Variants in EPHX1 observed in about 807,000 individuals in gnomAD.
EPHX1 encodes the protein epoxide hydrolase 1.
A neutral mutation model predicts 43.2 loss-of-function variants in EPHX1; 40 were observed. The ratio of observed to expected loss-of-function variants is 0.93; its 90% confidence interval spans 0.72 to 1.21. The LOEUF (loss-of-function observed/expected upper bound fraction) is 1.21, where lower values mean the gene tolerates loss of function less well. EPHX1 is among the 50% of genes most tolerant of loss of function. The probability of loss-of-function intolerance (pLI) is 0.00; values close to 1 mark genes in which losing one functional copy is unlikely to be tolerated. For synonymous variants in EPHX1, 221 were observed against 226.7 expected (o/e 0.98, Z 0.22); for missense variants, 550 against 570.4 (o/e 0.96, Z 0.36).
intron 1 of EPHX1, among the ~76,000 whole-genome samples, chr1:225,821,782 C>T (rs1475842920): frequency 1.3e-5 from 2 of 151,488 alleles, no homozygotes; most frequent in African/African-American, 4.9e-5. Flanking sequence ...AGGCTGGTCT[C>T]AAACTCCTGG....
chr1:225,831,857 A>G lies in EPHX1; in HGVS notation c.262A>G (p.Asn88Asp). 6.2e-7 allele frequency: 1 copy of G among 1,614,170 alleles called. No homozygotes were observed. The highest frequency in any genetic ancestry group is 8.5e-7 in the Non-Finnish European group (1 of 1,180,012). The change falls in exon 3 of 9, where the codon AAC (asparagine) becomes GAC (aspartate). Residue 88 changes from asparagine (N) to aspartate (D), a missense_variant. Transcript: ENST00000272167. The part of the protein sequence containing the change: ...DSCFHYGFNS[N>D]YLKKVISYWR... ...CTGCTTCCACTATGGCTTCAACTCC[A>G]ACTACCTGAAGAAAGTCATCTCCTA...
At chr1:225,837,406 C>T (rs1668023995) in intron 3 of EPHX1, among the ~76,000 whole-genome samples, 1 of 152,206 alleles carries the variant, frequency 6.6e-6, no homozygotes. Flanking sequence ...GGGCTGCCTT[C>T]TTTTGATATG....
At chr1:225,840,080 G>A in intron 6 of EPHX1, 43 bp downstream of exon 6, 1 of 1,604,554 alleles carries the variant, frequency 6.2e-7, no homozygotes, top group Non-Finnish European at 8.5e-7. Context: ...GGCTCCACTG[G>A]GGCAGGGAGA....
At chr1:225,823,649 G>T (rs1667085782) in intron 1 of EPHX1, among the ~76,000 whole-genome samples, 1 of 152,238 alleles carries the variant, frequency 6.6e-6, no homozygotes, top group Admixed American at 6.5e-5. Context: ...CCTCTTGAGT[G>T]CTGGGTGGCC....
At chr1:225,823,625 C>G (rs1350618559) in intron 1 of EPHX1, among the ~76,000 whole-genome samples, 1 of 152,224 alleles carries the variant, frequency 6.6e-6, no homozygotes, top group African/African-American at 2.4e-5. Flanking sequence ...AGGGGTGATG[C>G]AGCCCTGCTC....
rs368539734 is a variant in EPHX1 at position 225,839,286 on chromosome 1, A to C, written c.662A>C (p.Tyr221Ser). Reference protein sequence around the residue: ...LMLRLGFQEFYIQGGDWGSLI... With the variant: ...LMLRLGFQEFSIQGGDWGSLI... ...CTGCGGCTGGGCTTCCAGGAATTCT[A>C]CATTCAAGGAGGGGACTGGGGGTCC... Residue 221 changes from tyrosine (Y) to serine (S), a missense_variant, in exon 5 of 9, where the codon TAC (tyrosine) becomes TCC (serine). Transcript: ENST00000272167. 6.2e-6 allele frequency: 10 copies of C among 1,613,900 alleles called. No individual in the cohort carries two copies. The highest frequency in any genetic ancestry group is 8.5e-6 in the Non-Finnish European group (10 of 1,180,002).
intron 7 of EPHX1, among the ~76,000 whole-genome samples, 190 bp downstream of exon 7, chr1:225,842,664 C>G (rs45600835): frequency 6.1e-4 from 93 of 152,350 alleles, no homozygotes; most frequent in African/African-American, 2.2e-3. Context: ...GTGGGTTGTT[C>G]CCAGCCTCAC....
intron 3 of EPHX1, among the ~76,000 whole-genome samples, chr1:225,832,496 C>A (rs1240765668): frequency 6.6e-6 from 1 of 152,270 alleles, no homozygotes; most frequent in African/African-American, 2.4e-5. Flanking sequence ...GATCGCGCCA[C>A]TGCACTCCAG....
chr1:225,826,281 T>C (rs1360738144), intron 1 of EPHX1, among the ~76,000 whole-genome samples: 2 of 151,908 alleles, frequency 1.3e-5, no homozygotes, highest in African/African-American at 2.4e-5. Flanking sequence ...CTGGCCAACA[T>C]GGTGAAACGC....
Position 225,844,976 on chromosome 1 carries a change from A to G in EPHX1, c.1167-170A>G, listed in dbSNP as rs4149228. 0.051 allele frequency among the ~76,000 whole-genome samples: 7,751 copies of G among 152,174 alleles called. 259 individuals carry two copies. Among genetic ancestry groups the G allele is most frequent in the East Asian group, 0.15 (765 of 5,144 alleles). ...CTGGGTGGCCCTCCCAGAAAAGAGAAGGCCCTCAGTGAGGGGAGAGCGGTT... is the reference window on the plus strand; with the variant it reads ...CTGGGTGGCCCTCCCAGAAAAGAGAGGGCCCTCAGTGAGGGGAGAGCGGTT... On this transcript the variant is annotated intron_variant, in intron 8 of 8. Transcript: ENST00000272167.
intron 5 of EPHX1, 52 bp from the exon 6 acceptor site, chr1:225,839,777 C>T (rs1668239290): frequency 1.3e-6 from 2 of 1,578,336 alleles, no homozygotes; most frequent in Admixed American, 1.7e-5. Flanking sequence ...CTCCTCTCTC[C>T]CTGTCCTTGA....
At chr1:225,813,147 G>C (rs868091577) in intron 1 of EPHX1, among the ~76,000 whole-genome samples, 15 of 152,094 alleles carry the variant, frequency 9.9e-5, no homozygotes, top group Admixed American at 3.9e-4. Flanking sequence ...GAGGGAAACA[G>C]TAAGTTTTGA....
At position 225,826,885 on chromosome 1, in the gene EPHX1, C is replaced by T. The variant is rs116937118; in HGVS notation, c.-5-1840C>T. 9.5e-4 allele frequency among the ~76,000 whole-genome samples: 144 copies of T among 152,076 alleles called. 3 individuals are homozygous for T. In the East Asian group the frequency reaches 0.024, roughly 26 times the overall value. On this transcript the variant is annotated intron_variant, in intron 1 of 8. Coordinates refer to ENST00000272167, the MANE Select transcript of EPHX1 (RefSeq NM_001136018.4). ...TGTGGGGAAAGAATTGGAGATGACT[C>T]TAGGGCCTGAGGGTGGGAAGCTGGG...
intron 1 of EPHX1, among the ~76,000 whole-genome samples, chr1:225,823,676 A>G (rs980465830): frequency 6.6e-6 from 1 of 152,160 alleles, no homozygotes; most frequent in Non-Finnish European, 1.5e-5. Context: ...GAGGGAGGCC[A>G]TGAGAGGGAG....
chr1:225,812,990 GT>G (rs1666556173), intron 1 of EPHX1, among the ~76,000 whole-genome samples: 1 of 152,216 alleles, frequency 6.6e-6, no homozygotes, highest in Admixed American at 6.5e-5. Flanking sequence ...CTTGGCTCAT[GT>G]CCCAGCTCTG....
Position 225,838,660 on chromosome 1 carries a change from A to ACATC in EPHX1, c.374_377dup (p.Phe127ProfsTer34). ...CTGTGCTCTGTCCCCCCAGGGCTGGACATCCACTTCATCCACGTGAAGCCC... is the reference window on the plus strand; with the variant it reads ...CTGTGCTCTGTCCCCCCAGGGCTGGACATCCATCCACTTCATCCACGTGAAGCCC... On this transcript the variant is annotated frameshift_variant, in exon 4 of 9. Coordinates refer to ENST00000272167, the MANE Select transcript of EPHX1 (RefSeq NM_001136018.4). LOFTEE classifies it high-confidence loss of function. 6.2e-7 allele frequency: 1 copy of ACATC among 1,613,772 alleles called. No homozygotes were observed.
At chr1:225,833,183 T>C (rs1204907039) in intron 3 of EPHX1, among the ~76,000 whole-genome samples, 1 of 152,156 alleles carries the variant, frequency 6.6e-6, no homozygotes, top group Non-Finnish European at 1.5e-5. Context: ...ATTGAAGAAA[T>C]TGTACATGTT....
Position 225,831,560 on chromosome 1 carries a change from GAA to G in EPHX1, c.184-214_184-213del, listed in dbSNP as rs757569759. 0.14 allele frequency among the ~76,000 whole-genome samples: 10,671 copies of G among 75,466 alleles called. 476 individuals are homozygous for G. The highest frequency in any genetic ancestry group is 0.31 in the East Asian group (655 of 2,112). 49.5% of individuals were successfully genotyped at this position (75,466 alleles called of 152,430 possible). ...AGACCCTATCTCAAAAAAAAAAAAA[GAA>G]AAAAGAAAAAAGAAATGCGAAGTCT... On this transcript the variant is annotated intron_variant, in intron 2 of 8. Transcript: ENST00000272167.
chr1:225,842,300 C>T lies in EPHX1; in HGVS notation c.932-66C>T. 4.1e-6 allele frequency: 5 copies of T among 1,226,124 alleles called. No individual in the cohort carries two copies. In the East Asian group the frequency reaches 1.2e-4, roughly 28 times the overall value. 76.0% of individuals were successfully genotyped at this position (1,226,124 alleles called of 1,614,324 possible). The stretch of plus-strand genomic sequence containing the variant: ...CCTCTGCGGCCAGTGCCACACATCA[C>T]ACCTGAAGCTCCAGCTCTCTGGTCC... On this transcript the variant is annotated intron_variant, in intron 6 of 8. Coordinates refer to ENST00000272167, the MANE Select transcript of EPHX1 (RefSeq NM_001136018.4).
Sources: gnomAD v4.1 joint callset for allele counts (sites outside exome capture counted in the v4.1 genomes callset) on GRCh38, gnomAD v4.1.1 for gene constraint, MANE v1.5 for transcripts, NCBI Gene and HGNC (gene_info 2026-07-23, HGNC 2026-07-21) for gene names.